ZSCAN5C: variants seen among roughly 807,000 people sequenced by gnomAD.
ZSCAN5C encodes zinc finger and SCAN domain containing 5C.
In ZSCAN5C, 11 loss-of-function variants were observed where a neutral mutation model predicts 17.3. The observed-to-expected ratio is 0.64, with a 90% confidence interval of 0.40 to 1.06. The LOEUF (loss-of-function observed/expected upper bound fraction) is 1.06, where lower values mean the gene tolerates loss of function less well. ZSCAN5C is among the 50% of genes least tolerant of loss of function. The pLI, the probability that ZSCAN5C is intolerant of heterozygous loss-of-function variation, is 0.00. For missense variants in ZSCAN5C, 698 were observed against 538.9 expected, an observed-to-expected ratio of 1.30 and a Z score of -2.92; for synonymous variants, 229 against 208.4, an observed-to-expected ratio of 1.10 and a Z score of -0.85.
chr19:56,208,622 A>G (rs575645142), exon 5 of ZSCAN5C: 1 of 1,607,628 alleles, frequency 6.2e-7, no homozygotes, highest in South Asian at 1.1e-5. Flanking sequence ...ACCAGACGCC[A>G]CCTCCATTTC....
intron 1 of ZSCAN5C, among the ~76,000 whole-genome samples, chr19:56,203,949 T>A (rs1358759283): frequency 6.6e-6 from 1 of 151,940 alleles, no homozygotes; most frequent in Non-Finnish European, 1.5e-5. Flanking sequence ...ACACTCAGCC[T>A]GAGTCCACTA....
At chr19:56,208,527 C>T (rs772445073) in exon 5 of ZSCAN5C, 1 of 1,585,014 alleles carries the variant, frequency 6.3e-7, no homozygotes, top group Non-Finnish European at 8.7e-7. Flanking sequence ...GACACACCTT[C>T]TGCCTGCGTT....
downstream of ZSCAN5C, chr19:56,209,226 A>G: frequency 1.5e-6 from 1 of 669,080 alleles, no homozygotes; most frequent in Non-Finnish European, 2.6e-6. Context: ...TGTCTTCTGC[A>G]CCAAGAAAGT....
rs906533867 is a variant in ZSCAN5C, at chr19:56,206,794, G to C, written c.385-265G>C. On this transcript the variant is annotated intron_variant, in intron 2 of 4. Transcript: ENST00000534327. ...GATCTGCCTCCAGGTCCGCACATGA[G>C]CCCGCCATCAGCCAATTGAGTTGGA... 3.4e-4 allele frequency among the ~76,000 whole-genome samples: 37 copies of C among 109,432 alleles called. 2 individuals are homozygous for C. Among genetic ancestry groups the C allele is most frequent in the African/African-American group, 1.1e-3 (35 of 32,924 alleles). The allele number at this position is 109,432 out of a possible 152,430, so 71.8% of individuals were successfully genotyped here.
chr19:56,208,840 A>C, exon 5 of ZSCAN5C: 2 of 1,560,122 alleles, frequency 1.3e-6, no homozygotes, highest in Non-Finnish European at 1.8e-6. Flanking sequence ...ACACGAGATC[A>C]CACACAGGCG....
chr19:56,208,803 T>G (rs1159997439), exon 5 of ZSCAN5C: 2 of 1,575,132 alleles, frequency 1.3e-6, no homozygotes, highest in East Asian at 2.2e-5. Context: ...GGCAAGAGGT[T>G]TAAGTATCGC....
chr19:56,206,797 C>CCTAAGTTCTAATACAAGGTGAGCT (rs71184334), intron 2 of ZSCAN5C, among the ~76,000 whole-genome samples: 26,520 of 150,692 alleles, frequency 0.18, 2,495 homozygotes, highest in Middle Eastern at 0.35. Flanking sequence ...CACATGAGCC[C>CCTAAGTTCTAATACAAGGTGAGCT]GCCATCAGCC....
chr19:56,208,235 T>C, intron 4 of ZSCAN5C, 51 bp downstream of exon 4: 1 of 718,666 alleles, frequency 1.4e-6, no homozygotes, highest in Non-Finnish European at 2.6e-6. Flanking sequence ...TCTTCTGGGG[T>C]GTGGGGCTGG....
In ZSCAN5C at chr19:56,205,716, A is replaced by T. The variant is rs141046714; in HGVS notation, c.-127-71A>T. 3,689 of 554,160 alleles carry T rather than the reference A, an allele frequency of 6.7e-3. 10 individuals are homozygous for T. The highest frequency in any genetic ancestry group is 8.8e-3 in the Non-Finnish European group (2,761 of 312,498). The allele number at this position is 554,160 out of a possible 1,614,324, so 34.3% of individuals were successfully genotyped here. ...AGGGGAAGTGGGGTCTGGGATTGGG[A>T]TGAGGGATTTGGAAGGATGGGGTGG... On this transcript the variant is annotated intron_variant, in intron 1 of 4. Coordinates refer to ENST00000534327, the Ensembl canonical transcript of ZSCAN5C.
intron 4 of ZSCAN5C, 66 bp from the exon 5 acceptor site, chr19:56,208,383 T>C (rs946965654): frequency 2.0e-6 from 2 of 1,016,888 alleles, no homozygotes; most frequent in African/African-American, 1.6e-5. Context: ...CAGTGTTTGG[T>C]TGCAATGAGT....
At chr19:56,207,255 G>A (rs1326987669) in exon 3 of ZSCAN5C, 1 of 776,028 alleles carries the variant, frequency 1.3e-6, no homozygotes, top group African/African-American at 1.7e-5. Flanking sequence ...GCACTGTTCA[G>A]GAGGCAGGTG....
At chr19:56,204,910 T>G (rs1022145937) in intron 1 of ZSCAN5C, among the ~76,000 whole-genome samples, 3 of 151,994 alleles carry the variant, frequency 2.0e-5, no homozygotes, top group African/African-American at 7.3e-5. Flanking sequence ...TCTTGCCTAA[T>G]GAAGCTAGGT....
exon 5 of ZSCAN5C, chr19:56,208,506 A>G (rs1034983410): frequency 5.8e-6 from 9 of 1,559,102 alleles, no homozygotes; most frequent in Non-Finnish European, 7.9e-6. Context: ...TCTGTGGAAA[A>G]TGTGGATGCT....
At chr19:56,203,394 T>G (rs573611046) in intron 1 of ZSCAN5C, among the ~76,000 whole-genome samples, 13 of 152,098 alleles carry the variant, frequency 8.5e-5, no homozygotes, top group African/African-American at 3.1e-4. Context: ...TAAATTGAGC[T>G]GATATTCACA....
exon 2 of ZSCAN5C, chr19:56,205,830 G>T (rs1440955573): frequency 1.6e-6 from 1 of 632,646 alleles, no homozygotes. Flanking sequence ...AAAACCAGGG[G>T]TGGCCTGTGT....
Position 56,204,438 on chromosome 19 carries a change from G to A in ZSCAN5C, c.-127-1349G>A, listed in dbSNP as rs546617887. Among the ~76,000 whole-genome samples, 11 of 151,656 alleles carry A rather than the reference G, an allele frequency of 7.3e-5. No individual in the cohort carries two copies. The East Asian group carries it at 2.1e-3, about 29-fold the overall frequency. The stretch of plus-strand genomic sequence containing the variant: ...GGCGTGAGGGGTGCCTTGTGGTTTG[G>A]ATTTGCATGTCCCTGATGATGAGTG... On this transcript the variant is annotated intron_variant, in intron 1 of 4. Transcript: ENST00000534327.
intron 1 of ZSCAN5C, among the ~76,000 whole-genome samples, chr19:56,202,542 C>G (rs974584180): frequency 6.6e-6 from 1 of 151,838 alleles, no homozygotes; most frequent in Admixed American, 6.6e-5. Flanking sequence ...TTATATAACT[C>G]TCCCTTAAAA....
intron 3 of ZSCAN5C, among the ~76,000 whole-genome samples, chr19:56,207,479 T>TAG (rs11425012): frequency 1.3e-5 from 2 of 150,630 alleles, no homozygotes; most frequent in African/African-American, 4.9e-5. Context: ...GCATGTAGGG[T>TAG]GGGGGGTAAG....
At chr19:56,208,497 C>G in exon 5 of ZSCAN5C, 1 of 1,540,944 alleles carries the variant, frequency 6.5e-7, no homozygotes, top group Non-Finnish European at 8.9e-7. Flanking sequence ...AAAAGAGCCT[C>G]TGTGGAAAAT....
Sources: allele counts gnomAD v4.1 joint callset (sites outside exome capture counted in the v4.1 genomes callset), GRCh38; gene constraint gnomAD v4.1.1; transcripts MANE v1.5; gene names NCBI Gene and HGNC (gene_info 2026-07-23, HGNC 2026-07-21).